TMEM263: variants seen among roughly 807,000 people sequenced by gnomAD.
TMEM263 encodes UPF0444 transmembrane protein C12orf23.
TMEM263 carries 5 observed loss-of-function variants against 8.6 expected under a neutral mutation model. That is an observed-to-expected ratio of 0.58 (90% CI 0.31 to 1.23). The LOEUF (loss-of-function observed/expected upper bound fraction) is 1.23. Ranked by LOEUF, TMEM263 falls within the 50% of genes most tolerant of loss-of-function variation. The probability of loss-of-function intolerance (pLI) is 0.07; values close to 1 mark genes in which losing one functional copy is unlikely to be tolerated. For missense variants in TMEM263, 104 were observed against 138.8 expected, an observed-to-expected ratio of 0.75 and a Z score of 1.26; for synonymous variants, 50 against 47.9, an observed-to-expected ratio of 1.04 and a Z score of -0.18.
At position 106,973,188 on chromosome 12, in the gene TMEM263, T is replaced by TATCA. The variant is rs1330459562; in HGVS notation, c.*1797_*1798insATCA. 2 of 152,178 alleles carry TATCA rather than the reference T, an allele frequency of 1.3e-5. No homozygotes were observed. Among genetic ancestry groups the TATCA allele is most frequent in the Non-Finnish European group, 2.9e-5 (2 of 67,960 alleles). The allele number at this position is 152,178 out of a possible 1,614,324, so 9.4% of individuals were successfully genotyped here. On this transcript the variant is annotated 3_prime_UTR_variant, in exon 4 of 4. Coordinates refer to ENST00000280756, the MANE Select transcript of TMEM263 (RefSeq NM_152261.4). Reference sequence around the variant, plus strand: ...TGGTCATTTATTTCATGCAGTATGATTTAAGGTATTTCTTGAGATTCTGGT... The same window carrying TATCA: ...TGGTCATTTATTTCATGCAGTATGATATCATTAAGGTATTTCTTGAGATTCTGGT...
chr12:106,960,827 T>C (rs561831049), intron 2 of TMEM263, among the ~76,000 whole-genome samples: 1 of 152,362 alleles, frequency 6.6e-6, no homozygotes, highest in South Asian at 2.1e-4. Context: ...AATGCAGGCA[T>C]TATGTCTCTC....
rs537890092 is a variant in TMEM263, at chr12:106,965,622, A to T, written c.-6-1489A>T. On this transcript the variant is annotated intron_variant, in intron 2 of 3. Transcript: ENST00000280756. ...CTCTGTCTCAAAAAAAAAAAAAAAA[A>T]TCACACAAAAATAAAGTATCACACC... 2.5e-3 allele frequency among the ~76,000 whole-genome samples: 380 copies of T among 149,706 alleles called. 1 individual carries two copies. The highest frequency in any genetic ancestry group is 8.9e-3 in the African/African-American group (357 of 40,128).
intron 3 of TMEM263, among the ~76,000 whole-genome samples, 164 bp from the exon 4 acceptor site, chr12:106,970,941 A>G (rs1245209305): frequency 6.6e-6 from 1 of 152,246 alleles, no homozygotes; most frequent in Non-Finnish European, 1.5e-5. Flanking sequence ...ATGTACAACT[A>G]TACCCTGAAG....
intron 2 of TMEM263, among the ~76,000 whole-genome samples, chr12:106,963,308 G>T (rs1221151669): frequency 6.6e-6 from 1 of 152,196 alleles, no homozygotes; most frequent in Non-Finnish European, 1.5e-5. Flanking sequence ...AACAAAGGTG[G>T]AAGCTCGGAG....
At chr12:106,969,443 T>C (rs1951888346) in intron 3 of TMEM263, among the ~76,000 whole-genome samples, 2 of 152,132 alleles carry the variant, frequency 1.3e-5, no homozygotes, top group African/African-American at 4.8e-5. Flanking sequence ...ATTAGGTTAC[T>C]AGGCCGGGCG....
rs1951918200 is a variant in TMEM263 at position 106,971,297 on chromosome 12, G to T, written c.257G>T (p.Gly86Val). The T allele has an allele frequency of 6.2e-7, 1 of 1,614,094 alleles. No homozygotes were observed. The change falls in exon 4 of 4, where the codon GGT becomes GTT. Residue 86 changes from glycine (G) to valine (V), a missense_variant. Physicochemically the swap from Gly to Val is moderately radical, Grantham distance 109 (BLOSUM62 -3). Transcript: ENST00000280756. ...ATGGGAATAGGGCTGGTGAAAGGGGGTGTCTCTGCTGTGGCTGGAGGTGTT... is the reference window on the plus strand; with the variant it reads ...ATGGGAATAGGGCTGGTGAAAGGGGTTGTCTCTGCTGTGGCTGGAGGTGTT... ...PSMGIGLVKG[G>V]VSAVAGGVTA...
chr12:106,969,876 T>TAA (rs571459566), intron 3 of TMEM263, among the ~76,000 whole-genome samples: 10 of 145,394 alleles, frequency 6.9e-5, no homozygotes, highest in African/African-American at 1.8e-4. Context: ...TGGCTCTATT[T>TAA]AAAAAAAAAA....
intron 3 of TMEM263, among the ~76,000 whole-genome samples, chr12:106,970,230 G>C (rs1951901070): frequency 6.6e-6 from 1 of 152,098 alleles, no homozygotes; most frequent in Admixed American, 6.5e-5. Flanking sequence ...TTGGTTTCAG[G>C]ATGCCTTTAC....
At chr12:106,968,478 G>T (rs1305302479) in intron 3 of TMEM263, among the ~76,000 whole-genome samples, 2 of 152,132 alleles carry the variant, frequency 1.3e-5, no homozygotes, top group East Asian at 1.9e-4. Context: ...TACATTTTTA[G>T]GTCTGGAACC....
At chr12:106,963,474 A>AG (rs757415547) in intron 2 of TMEM263, among the ~76,000 whole-genome samples, 1 of 152,224 alleles carries the variant, frequency 6.6e-6, no homozygotes, top group Non-Finnish European at 1.5e-5. Context: ...CAGAATTCAA[A>AG]GGTGACCCTG....
rs1951919985 is a variant in TMEM263, at chr12:106,971,393, A to T, written c.*2A>T. ...AAGAAGAAAGACAAATCTGACTGAAATATAGAGATACACTTGCGCTCCACA... is the reference window on the plus strand; with the variant it reads ...AAGAAGAAAGACAAATCTGACTGAATTATAGAGATACACTTGCGCTCCACA... On this transcript the variant is annotated 3_prime_UTR_variant, in exon 4 of 4. Transcript: ENST00000280756. The T allele has an allele frequency of 3.1e-6, 5 of 1,596,494 alleles. No homozygotes were observed. The highest frequency in any genetic ancestry group is 3.4e-6 in the Non-Finnish European group (4 of 1,170,128).
intron 3 of TMEM263, among the ~76,000 whole-genome samples, chr12:106,970,405 G>T (rs1343971312): frequency 6.6e-6 from 1 of 152,032 alleles, no homozygotes; most frequent in African/African-American, 2.4e-5. Context: ...AAAAATTGTG[G>T]AAATTGTGAG....
chr12:106,961,494 T>G (rs765164470), intron 2 of TMEM263, among the ~76,000 whole-genome samples: 11 of 151,940 alleles, frequency 7.2e-5, no homozygotes, highest in African/African-American at 1.5e-4. Context: ...AGTAGCAATC[T>G]TGAGGAGGTG....
At chr12:106,968,690 T>C (rs1473633421) in intron 3 of TMEM263, among the ~76,000 whole-genome samples, 2 of 152,190 alleles carry the variant, frequency 1.3e-5, no homozygotes, top group Non-Finnish European at 2.9e-5. Context: ...AAGAGTATAC[T>C]GTAATAAAAG....
At chr12:106,964,223 T>C (rs1426083565) in intron 2 of TMEM263, among the ~76,000 whole-genome samples, 1 of 152,226 alleles carries the variant, frequency 6.6e-6, no homozygotes, top group Non-Finnish European at 1.5e-5. Context: ...TTTTGGAATT[T>C]GTTAAATAGC....
rs781617435 is a variant in TMEM263, at chr12:106,971,132, A to C, written c.92A>C (p.Gln31Pro). ...EGSMKDHPQQ[Q>P]PGMLSRVTGG... ...TCAATGAAAGATCACCCACAGCAGC[A>C]GCCAGGCATGTTGTCCCGTGTGACT... is the stretch of plus-strand genomic sequence containing the variant. The change falls in exon 4 of 4, where the codon CAG becomes CCG. Residue 31 changes from glutamine (Q) to proline (P), a missense_variant. Physicochemically the swap from Gln to Pro is moderately conservative, Grantham distance 76. Transcript: ENST00000280756. 6.8e-6 allele frequency: 11 copies of C among 1,614,078 alleles called. No homozygotes were observed. In the African/African-American group the frequency reaches 1.5e-4, roughly 22 times the overall value.
chr12:106,967,512 C>T (rs1447423079), intron 3 of TMEM263: 7 of 182,974 alleles, frequency 3.8e-5, no homozygotes, highest in South Asian at 1.3e-4. Context: ...CCACCTGCCT[C>T]GGCCTCCCAA....
chr12:106,964,487 A>T (rs1219270182), intron 2 of TMEM263, among the ~76,000 whole-genome samples: 1 of 152,232 alleles, frequency 6.6e-6, no homozygotes. Flanking sequence ...GGGGAGTTTT[A>T]AAATTAGGGC....
chr12:106,960,999 T>G (rs2136760275), intron 2 of TMEM263, among the ~76,000 whole-genome samples: 1 of 151,844 alleles, frequency 6.6e-6, no homozygotes, highest in South Asian at 2.1e-4. Flanking sequence ...TGCGGATACT[T>G]CTCTTCGCTT....
Sources: gnomAD v4.1 joint callset for allele counts (sites outside exome capture counted in the v4.1 genomes callset) on GRCh38, gnomAD v4.1.1 for gene constraint, MANE v1.5 for transcripts, NCBI Gene and HGNC (gene_info 2026-07-23, HGNC 2026-07-21) for gene names.